The following ELF4 variants were observed in gnomAD, a reference collection of about 807,000 sequenced individuals.
ELF4 encodes the protein E74 like ETS transcription factor 4.
ELF4 carries 10 observed loss-of-function variants against 31.7 expected under a neutral mutation model. The ratio of observed to expected loss-of-function variants is 0.32; its 90% CI spans 0.19 to 0.54. ELF4 has a LOEUF of 0.54. Among genes scored for constraint, ELF4 ranks in the 20% least tolerant of loss-of-function variants. The pLI is 0.95. For synonymous variants in ELF4, 208 were observed against 226.7 expected, an observed-to-expected ratio of 0.92 and a Z score of 0.74; for missense variants, 418 against 522.0, an observed-to-expected ratio of 0.80 and a Z score of 1.94.
In ELF4 at chrX:130,081,439, C is replaced by G; in HGVS notation, c.-109G>C. On this transcript the variant is annotated 5_prime_UTR_variant, in exon 2 of 9. Transcript: ENST00000308167. ...GTACTTTGGAGCCTAGAGCCTACCC[C>G]CTGAGCTGCAGTAAAATAGGGGGTG... is the stretch of plus-strand genomic sequence containing the variant. 1 of 820,271 alleles carries G rather than the reference C, an allele frequency of 1.2e-6. No individual in the cohort carries two copies. Among genetic ancestry groups the G allele is most frequent in the Non-Finnish European group, 1.8e-6 (1 of 548,162 alleles). The allele number at this position is 820,271 out of a possible 1,213,427, so 67.6% of individuals were successfully genotyped here.
Position 130,071,430 on chromosome X carries a change from A to G in ELF4, c.533-11T>C. Reference sequence around the variant, plus strand: ...CCTTGGTCTTCCGGACTATGAGGGAAAGGTGAGTAGGATGAGGAGCAGCTC... The same window carrying G: ...CCTTGGTCTTCCGGACTATGAGGGAGAGGTGAGTAGGATGAGGAGCAGCTC... On this transcript the variant is annotated splice_polypyrimidine_tract_variant and intron_variant, in intron 5 of 8. Coordinates refer to ENST00000308167, the MANE Select transcript of ELF4 (RefSeq NM_001421.4). 1 of 1,208,741 alleles carries G rather than the reference A, an allele frequency of 8.3e-7. No individual in the cohort carries two copies. The highest frequency in any genetic ancestry group is 1.7e-5 in the African/African-American group (1 of 57,757).
At chrX:130,096,986 T>C (rs1466320834) in intron 1 of ELF4, among the ~76,000 whole-genome samples, 1 of 110,853 alleles carries the variant, frequency 9.0e-6, no homozygotes, top group Non-Finnish European at 1.9e-5. Context: ...TCTGAACCTC[T>C]GAGGTTCTAA....
chrX:130,070,006 C>T (rs981124114), intron 7 of ELF4, among the ~76,000 whole-genome samples: 2 of 111,988 alleles, frequency 1.8e-5, no homozygotes, highest in East Asian at 2.8e-4. Flanking sequence ...GGATGGATGG[C>T]GGGAACAGCA....
At position 130,066,783 on chromosome X, in the gene ELF4, G is replaced by C. The variant is rs1160131574; in HGVS notation, c.1930C>G (p.Pro644Ala). Residue 644 changes from proline to alanine, a missense_variant, in exon 9 of 9, where the codon CCA (proline) becomes GCA (alanine). Physicochemically the swap from Pro to Ala is conservative, Grantham distance 27. Transcript: ENST00000308167. ...GGGTTGAATGGGGAGAAAGGGGCTG[G>C]GGTGGGGGATCTTGTCAGAAGGCTC... Reference protein sequence around the residue: ...SGSLLTRSPTPAPFSPFNPTS... With the variant: ...SGSLLTRSPTAAPFSPFNPTS... 3.3e-6 allele frequency: 4 copies of C among 1,207,713 alleles called. No individual in the cohort carries two copies. Among genetic ancestry groups the C allele is most frequent in the Non-Finnish European group, 4.5e-6 (4 of 894,132 alleles).
intron 2 of ELF4, among the ~76,000 whole-genome samples, chrX:130,077,752 T>C (rs1309218296): frequency 8.9e-6 from 1 of 111,944 alleles, no homozygotes; most frequent in African/African-American, 3.2e-5. Context: ...GATCACATGA[T>C]TGACCCCCTA....
intron 1 of ELF4, among the ~76,000 whole-genome samples, chrX:130,082,827 G>C (rs1329311853): frequency 9.0e-6 from 1 of 111,599 alleles, no homozygotes; most frequent in Non-Finnish European, 1.9e-5. Flanking sequence ...CTGAGTGTGT[G>C]GATGTGCGTG....
At chrX:130,083,198 A>G (rs1308387798) in intron 1 of ELF4, among the ~76,000 whole-genome samples, 1 of 106,284 alleles carries the variant, frequency 9.4e-6, no homozygotes, top group Non-Finnish European at 1.9e-5. Flanking sequence ...TGGACGAGTG[A>G]GAGGCTGAGT....
At chrX:130,101,713 C>T (rs184072368) in intron 1 of ELF4, among the ~76,000 whole-genome samples, 19 of 109,946 alleles carry the variant, frequency 1.7e-4, no homozygotes, top group East Asian at 5.7e-4. Flanking sequence ...GCAGGAGAAT[C>T]GCTTGAACCC....
In ELF4 at chrX:130,067,155, C is replaced by A. The variant is rs1370756532; in HGVS notation, c.1558G>T (p.Val520Phe). 8.3e-7 allele frequency: 1 copy of A among 1,201,896 alleles called. No individual in the cohort carries two copies. Among genetic ancestry groups the A allele is most frequent in the South Asian group, 1.8e-5 (1 of 55,707 alleles). Residue 520 changes from valine to phenylalanine, a missense_variant, in exon 9 of 9, where the codon GTC becomes TTC. Around this residue, in one of 4 missense-constraint regions of ELF4, gnomAD observed 260 missense variants for 269.2 expected, o/e 0.97. Transcript: ENST00000308167. The stretch of plus-strand genomic sequence containing the variant: ...GAAGTCCTGATGAAGGCAGCAATGA[C>A]AGTCCCAGGGGGCTGAGAGCTGGGC... Reference protein sequence around the residue: ...AGPSSQPPGTVIAAFIRTSGT... With the variant: ...AGPSSQPPGTFIAAFIRTSGT...
Position 130,071,417 on chromosome X carries a change from G to T in ELF4, c.535C>A (p.Arg179=). ...KKTGKSKKRI[R]KTKGNRSTSP... is the part of the protein sequence containing the mutation. ...GTACTTCGGTTGCCCTTGGTCTTCC[G>T]GACTATGAGGGAAAGGTGAGTAGGA... The change falls in exon 6 of 9, where the codon CGG becomes AGG. Residue 179 remains arginine (R), a splice_region_variant and synonymous_variant. Coordinates refer to ENST00000308167, the MANE Select transcript of ELF4 (RefSeq NM_001421.4). The T allele has an allele frequency of 8.3e-7, 1 of 1,210,417 alleles. No individual in the cohort carries two copies. The highest frequency in any genetic ancestry group is 1.1e-6 in the Non-Finnish European group (1 of 894,567).
At chrX:130,109,455 G>A (rs1284043141) in intron 1 of ELF4, among the ~76,000 whole-genome samples, 1 of 112,979 alleles carries the variant, frequency 8.9e-6, no homozygotes, top group Non-Finnish European at 1.9e-5. Context: ...ACAGGCCGAG[G>A]GATGAGGGGC....
intron 1 of ELF4, among the ~76,000 whole-genome samples, chrX:130,084,633 A>G (rs1348303777): frequency 1.8e-5 from 2 of 111,576 alleles, no homozygotes; most frequent in African/African-American, 6.5e-5. Flanking sequence ...CTGAGCCTGA[A>G]GCTAAGGTCT....
In ELF4 at chrX:130,072,246, G is replaced by A; in HGVS notation, c.512C>T (p.Thr171Ile). 8.3e-7 allele frequency: 1 copy of A among 1,211,213 alleles called. No individual in the cohort carries two copies. Among genetic ancestry groups the A allele is most frequent in the Non-Finnish European group, 1.1e-6 (1 of 895,319 alleles). The change falls in exon 5 of 9, where the codon ACT (threonine) becomes ATT (isoleucine). Residue 171 changes from threonine to isoleucine, a missense_variant. Thr to Ile is a moderately conservative substitution (Grantham distance 89, BLOSUM62 -1). Around this residue, in one of 4 missense-constraint regions of ELF4, gnomAD observed 88 missense variants for 92.4 expected, o/e 0.95. Transcript: ENST00000308167. ...KASREESAKK[T>I]GKSKKRIRKT... ...CTTACTTCTCTTCTTTGATTTCCCAGTCTTCTTGGCACTTTCCTCTCTGGA... is the reference window on the plus strand; with the variant it reads ...CTTACTTCTCTTCTTTGATTTCCCAATCTTCTTGGCACTTTCCTCTCTGGA...
At chrX:130,071,733 T>C (rs1227147879) in intron 5 of ELF4, among the ~76,000 whole-genome samples, 1 of 112,845 alleles carries the variant, frequency 8.9e-6, no homozygotes, top group Admixed American at 9.3e-5. Flanking sequence ...TGCAGGTAAG[T>C]GCGGTGCTGA....
upstream of ELF4, among the ~76,000 whole-genome samples, chrX:130,110,935 G>A (rs1346689503): frequency 1.1e-5 from 1 of 93,572 alleles, no homozygotes; most frequent in African/African-American, 3.9e-5. Context: ...TGGGGCGGGC[G>A]CGAAGGAGGC....
intron 7 of ELF4, among the ~76,000 whole-genome samples, chrX:130,070,790 AG>A (rs368726622): frequency 9.3e-5 from 8 of 85,568 alleles, no homozygotes; most frequent in African/African-American, 5.0e-4. Context: ...AAAAAAAAAA[AG>A]AAAGAAAGAA....
At chrX:130,074,777 T>A (rs1355905088) in intron 2 of ELF4, 25 bp from the exon 3 acceptor site, 1 of 1,207,016 alleles carries the variant, frequency 8.3e-7, no homozygotes, top group African/African-American at 1.8e-5. Context: ...GGGATGTGAT[T>A]CAAGACCCAC....
At chrX:130,068,995 G>A (rs777339539) in intron 8 of ELF4, among the ~76,000 whole-genome samples, 6 of 111,761 alleles carry the variant, frequency 5.4e-5, no homozygotes, top group Middle Eastern at 4.6e-3. Flanking sequence ...AGGCCAAGGC[G>A]GGCAGATCAC....
chrX:130,065,016 C>T lies in ELF4; in HGVS notation c.*1705G>A, dbSNP rs1364842157. The stretch of plus-strand genomic sequence containing the variant: ...TAGTAAATACATTTGCACAACCAAA[C>T]ACAGTGCCCTCCAGGGGGCAGGGAG... On this transcript the variant is annotated 3_prime_UTR_variant, in exon 9 of 9. Transcript: ENST00000308167. 2 of 171,228 alleles carry T rather than the reference C, an allele frequency of 1.2e-5. No individual in the cohort carries two copies. The highest frequency in any genetic ancestry group is 2.2e-5 in the Non-Finnish European group (2 of 89,429). 14.1% of individuals were successfully genotyped at this position (171,228 alleles called of 1,213,427 possible). A position where few individuals can be genotyped will look rare whatever the true frequency, so the allele number is the denominator to read the frequency against.
Sources: gnomAD v4.1 joint callset for allele counts (sites outside exome capture counted in the v4.1 genomes callset) on GRCh38, gnomAD v4.1.1 for gene constraint, gnomAD v4.1.1 regional missense constraint, MANE v1.5 for transcripts, NCBI Gene and HGNC (gene_info 2026-07-23, HGNC 2026-07-21) for gene names.